ETFDH: variants seen among roughly 807,000 people sequenced by gnomAD.
ETFDH encodes electron transfer flavoprotein dehydrogenase, also known as electron transfer flavoprotein-ubiquinone oxidoreductase, mitochondrial.
ETFDH carries 61 observed loss-of-function variants against 73.2 expected under a neutral mutation model. That is an observed-to-expected ratio of 0.83 (90% CI 0.68 to 1.03). ETFDH has a LOEUF of 1.03. ETFDH is among the 50% of genes least tolerant of loss of function. ETFDH has a pLI of 0.00. For synonymous variants in ETFDH, 243 were observed against 253.3 expected, an observed-to-expected ratio of 0.96 and a Z score of 0.39; for missense variants, 685 against 745.0, an observed-to-expected ratio of 0.92 and a Z score of 0.94.
chr4:158,681,143 C>T (rs1188519367), intron 2 of ETFDH, among the ~76,000 whole-genome samples: 9 of 152,118 alleles, frequency 5.9e-5, no homozygotes, highest in African/African-American at 2.2e-4. Context: ...GAGATGACAG[C>T]TCCATGCGTG....
chr4:158,680,475 T>A lies in ETFDH; in HGVS notation c.43T>A (p.Cys15Ser), dbSNP rs768442787. ...LAKLSCLAYQ[C>S]FHALKIKKNY... ...TCGTAATTTTTGTGCAGCATATCAG[T>A]GCTTTCATGCCTTAAAAATTAAGAA... is the stretch of plus-strand genomic sequence containing the variant. Residue 15 changes from cysteine (C) to serine (S), a missense_variant, in exon 2 of 13, where the codon TGC becomes AGC. Cys to Ser is a moderately radical substitution (Grantham distance 112). Around this residue, in one of 3 missense-constraint regions of ETFDH, gnomAD observed 405 missense variants for 399.3 expected, o/e 1.01. Coordinates refer to ENST00000511912, the MANE Select transcript of ETFDH (RefSeq NM_004453.4). 1.2e-6 allele frequency: 2 copies of A among 1,605,132 alleles called. No individual in the cohort carries two copies. Among genetic ancestry groups the A allele is most frequent in the East Asian group, 4.5e-5 (2 of 44,718 alleles).
At position 158,680,679 on chromosome 4, in the gene ETFDH, T is replaced by C; in HGVS notation, c.175+72T>C. On this transcript the variant is annotated intron_variant, in intron 2 of 12. Coordinates refer to ENST00000511912, the MANE Select transcript of ETFDH (RefSeq NM_004453.4). ...TGTTTTCATTTTGTGGAGGAGAGTA[T>C]TAATATTTTTCATAATTTAAAAACA... 3 of 1,289,510 alleles carry C rather than the reference T, an allele frequency of 2.3e-6. No individual in the cohort carries two copies. In the South Asian group the frequency reaches 3.6e-5, roughly 16 times the overall value. 79.9% of individuals were successfully genotyped at this position (1,289,510 alleles called of 1,614,324 possible). A position where few individuals can be genotyped will look rare whatever the true frequency, so the allele number is the denominator to read the frequency against.
intron 6 of ETFDH, among the ~76,000 whole-genome samples, chr4:158,691,700 A>T (rs1408494649): frequency 6.6e-6 from 1 of 152,190 alleles, no homozygotes; most frequent in East Asian, 1.9e-4. Flanking sequence ...TCCACCTCCC[A>T]TTCAAAATAT....
intron 11 of ETFDH, 126 bp from the exon 12 acceptor site, chr4:158,706,503 T>C: frequency 1.6e-5 from 17 of 1,092,340 alleles, no homozygotes; most frequent in Non-Finnish European, 2.4e-5. Flanking sequence ...GAACAGTATA[T>C]TATTACTTGA....
At chr4:158,699,935 G>A (rs868378770) in intron 9 of ETFDH, among the ~76,000 whole-genome samples, 19 of 152,270 alleles carry the variant, frequency 1.2e-4, no homozygotes, top group Middle Eastern at 3.4e-3. Flanking sequence ...TATCATACAG[G>A]TAAGATGATC....
Position 158,672,364 on chromosome 4 carries a change from T to TGGCGCCCCCCGCGGCCTAGAGGTCC in ETFDH, c.-92_-68dup. The TGGCGCCCCCCGCGGCCTAGAGGTCC allele has an allele frequency of 7.5e-7, 1 of 1,334,770 alleles. No homozygotes were observed. The highest frequency in any genetic ancestry group is 1.1e-6 in the Non-Finnish European group (1 of 926,402). The allele number at this position is 1,334,770 out of a possible 1,614,324, so 82.7% of individuals were successfully genotyped here. ...AGAGTTCTTGCTTTCCGGCAGGTGATGGCGCCCCCCGCGGCCTAGAGGTCC... is the reference window on the plus strand; with the variant it reads ...AGAGTTCTTGCTTTCCGGCAGGTGATGGCGCCCCCCGCGGCCTAGAGGTCCGGCGCCCCCCGCGGCCTAGAGGTCC... On this transcript the variant is annotated 5_prime_UTR_variant, in exon 1 of 13. Coordinates refer to ENST00000511912, the MANE Select transcript of ETFDH (RefSeq NM_004453.4).
Position 158,684,389 on chromosome 4 carries a change from C to CAA in ETFDH, c.406-186_406-185dup, listed in dbSNP as rs35572796. Among the ~76,000 whole-genome samples, 18 of 105,502 alleles carry CAA rather than the reference C, an allele frequency of 1.7e-4. 1 individual carries two copies. The highest frequency in any genetic ancestry group is 6.1e-4 in the African/African-American group (18 of 29,534). The allele number at this position is 105,502 out of a possible 152,430, so 69.2% of individuals were successfully genotyped here. On this transcript the variant is annotated intron_variant, in intron 3 of 12. Transcript: ENST00000511912. ...TGGGTGACAGAAAGAGACACTGTCT[C>CAA]AAAAAAAAAAAAAAAAAAGATTTCT...
intron 12 of ETFDH, 71 bp from the exon 13 acceptor site, chr4:158,708,293 T>TA: frequency 8.4e-7 from 1 of 1,190,866 alleles, no homozygotes; most frequent in Non-Finnish European, 1.2e-6. Context: ...ACTCTTTCCT[T>TA]AATTTTTACT....
intron 9 of ETFDH, among the ~76,000 whole-genome samples, chr4:158,701,321 C>A (rs1298906970): frequency 6.6e-6 from 1 of 152,202 alleles, no homozygotes; most frequent in East Asian, 1.9e-4. Context: ...TTGTCATCAT[C>A]TAAGTCCCTA....
intron 3 of ETFDH, among the ~76,000 whole-genome samples, chr4:158,683,214 G>A (rs149915654): frequency 1.3e-5 from 2 of 152,264 alleles, no homozygotes; most frequent in African/African-American, 4.8e-5. Flanking sequence ...AAGTTTTATT[G>A]TCTTAAATAA....
chr4:158,680,666 G>A lies in ETFDH; in HGVS notation c.175+59G>A, dbSNP rs1307558715. On this transcript the variant is annotated intron_variant, in intron 2 of 12. Transcript: ENST00000511912. The stretch of plus-strand genomic sequence containing the variant: ...TTTCTGGATACTTTGTTTTCATTTT[G>A]TGGAGGAGAGTATTAATATTTTTCA... 93 of 1,351,618 alleles carry A rather than the reference G, an allele frequency of 6.9e-5. No homozygotes were observed. In the South Asian group the frequency reaches 1.0e-3, roughly 15 times the overall value. The allele number at this position is 1,351,618 out of a possible 1,614,324, so 83.7% of individuals were successfully genotyped here.
At chr4:158,692,486 A>G (rs1373016948) in intron 6 of ETFDH, among the ~76,000 whole-genome samples, 2 of 151,198 alleles carry the variant, frequency 1.3e-5, no homozygotes, top group African/African-American at 4.9e-5. Flanking sequence ...GAATCATGTG[A>G]CATCTTGGGG....
intron 1 of ETFDH, among the ~76,000 whole-genome samples, chr4:158,674,401 G>A (rs1350561701): frequency 6.6e-6 from 1 of 152,092 alleles, no homozygotes; most frequent in Admixed American, 6.5e-5. Context: ...TGCCTCCCGG[G>A]TTCAAGTGAT....
At chr4:158,672,719 C>T (rs1394244107) in intron 1 of ETFDH, among the ~76,000 whole-genome samples, 1 of 152,138 alleles carries the variant, frequency 6.6e-6, no homozygotes, top group Non-Finnish European at 1.5e-5. Flanking sequence ...GCGGGGAAAA[C>T]TTGTCAACAC....
At chr4:158,688,187 A>G (rs1338868593) in intron 5 of ETFDH, among the ~76,000 whole-genome samples, 18 of 151,996 alleles carry the variant, frequency 1.2e-4, no homozygotes, top group Middle Eastern at 3.2e-3. Flanking sequence ...AGGTCAAGAG[A>G]TCGAGACCAT....
At chr4:158,672,581 T>A in intron 1 of ETFDH, 91 bp downstream of exon 1, 4 of 1,289,168 alleles carry the variant, frequency 3.1e-6, no homozygotes, top group Non-Finnish European at 3.4e-6. Context: ...TCTCGCCCCT[T>A]CTCTCATCAG....
In ETFDH at chr4:158,680,605, A is replaced by G; in HGVS notation, c.173A>G (p.Glu58Gly). 1.2e-6 allele frequency: 2 copies of G among 1,609,144 alleles called. No homozygotes were observed. The highest frequency in any genetic ancestry group is 1.7e-6 in the Non-Finnish European group (2 of 1,175,576). Reference protein sequence around the residue: ...IYPRDKDKRWEGVNMERFAEE... With the variant: ...IYPRDKDKRWGGVNMERFAEE... ...CCCCGGGATAAGGACAAGAGATGGG[A>G]AGGTAAGTAATAATTTGTGTACAAT... The change falls in exon 2 of 13, where the codon GAA becomes GGA. Residue 58 changes from glutamate (E) to glycine (G), a missense_variant and splice_region_variant. Transcript: ENST00000511912.
chr4:158,703,297 A>G (rs558408486), intron 9 of ETFDH, 126 bp from the exon 10 acceptor site: 4 of 723,322 alleles, frequency 5.5e-6, no homozygotes, highest in African/African-American at 3.5e-5. Flanking sequence ...TGCTCAATTC[A>G]TTTTCATGTA....
intron 1 of ETFDH, among the ~76,000 whole-genome samples, chr4:158,673,311 A>C (rs1773628293): frequency 6.6e-6 from 1 of 152,182 alleles, no homozygotes; most frequent in East Asian, 1.9e-4. Context: ...TCAAAAAAAA[A>C]TTAAATTAAA....
Sources: gnomAD v4.1 joint callset for allele counts (sites outside exome capture counted in the v4.1 genomes callset) on GRCh38, gnomAD v4.1.1 for gene constraint, gnomAD v4.1.1 regional missense constraint, MANE v1.5 for transcripts, NCBI Gene and HGNC (gene_info 2026-07-23, HGNC 2026-07-21) for gene names.